COX10: variants seen among roughly 807,000 people sequenced by gnomAD.
The protein encoded by COX10 is protoheme IX farnesyltransferase, mitochondrial.
In COX10, 27 loss-of-function variants were observed where a neutral mutation model predicts 37.3. That is an observed-to-expected ratio of 0.72 (90% CI 0.53 to 1.00). The LOEUF (loss-of-function observed/expected upper bound fraction) is 1.00. Ranked by LOEUF, COX10 falls within the 50% of genes least tolerant of loss-of-function variation. The pLI, the probability that COX10 is intolerant of heterozygous loss-of-function variation, is 0.00. For synonymous variants in COX10, 222 were observed against 229.1 expected, an observed-to-expected ratio of 0.97 and a Z score of 0.28; for missense variants, 475 against 563.2, an observed-to-expected ratio of 0.84 and a Z score of 1.59.
chr17:14,141,105 T>C (rs1904530025), intron 4 of COX10, among the ~76,000 whole-genome samples: 1 of 152,156 alleles, frequency 6.6e-6, no homozygotes, highest in East Asian at 1.9e-4. Context: ...AATTATGTTA[T>C]AGTGTTAATT....
chr17:14,179,614 A>G (rs1289831193), intron 5 of COX10, among the ~76,000 whole-genome samples: 1 of 152,228 alleles, frequency 6.6e-6, no homozygotes, highest in Non-Finnish European at 1.5e-5. Context: ...GACAAAGAAG[A>G]AGGACAGAGT....
chr17:14,096,053 G>A lies in COX10; in HGVS notation c.500-6065G>A, dbSNP rs116093069. ...TGGTGAGGGTCTTCTTGACAGTGAGGACTCTGTAGAGTCCCAGGCAGCACA... is the reference window on the plus strand; with the variant it reads ...TGGTGAGGGTCTTCTTGACAGTGAGAACTCTGTAGAGTCCCAGGCAGCACA... On this transcript the variant is annotated intron_variant, in intron 3 of 6. Transcript: ENST00000261643. Among the ~76,000 whole-genome samples, 1,182 of 152,310 alleles carry A rather than the reference G, an allele frequency of 7.8e-3. 14 individuals carry two copies. Among genetic ancestry groups the A allele is most frequent in the African/African-American group, 0.027 (1,134 of 41,570 alleles).
chr17:14,104,721 C>T (rs190082718), intron 4 of COX10, among the ~76,000 whole-genome samples: 1 of 152,030 alleles, frequency 6.6e-6, no homozygotes, highest in Admixed American at 6.6e-5. Context: ...TCTGTGATCT[C>T]TGTGAAAGTA....
At chr17:14,123,246 CT>C (rs1387356981) in intron 4 of COX10, among the ~76,000 whole-genome samples, 1 of 152,182 alleles carries the variant, frequency 6.6e-6, no homozygotes, top group Non-Finnish European at 1.5e-5. Flanking sequence ...ATCATTAAAC[CT>C]GCTGCTTTTT....
chr17:14,110,548 T>TG (rs1460089229), intron 4 of COX10, among the ~76,000 whole-genome samples: 26 of 152,228 alleles, frequency 1.7e-4, no homozygotes, highest in African/African-American at 6.3e-4. Flanking sequence ...CTTGGAGACT[T>TG]GCTTCCTTCA....
intron 6 of COX10, among the ~76,000 whole-genome samples, chr17:14,204,370 CCTT>C (rs1471758687): frequency 6.6e-6 from 1 of 151,968 alleles, no homozygotes; most frequent in Non-Finnish European, 1.5e-5. Flanking sequence ...CCTCCTCTCC[CCTT>C]CTTCCCTGCT....
intron 6 of COX10, among the ~76,000 whole-genome samples, chr17:14,199,783 A>G (rs1906491656): frequency 6.6e-6 from 1 of 152,142 alleles, no homozygotes; most frequent in African/African-American, 2.4e-5. Flanking sequence ...AGTCTATTGC[A>G]CTGTTGAAGC....
rs140803470 is a variant in COX10 at position 14,081,780 on chromosome 17, A to G, written c.499+4724A>G. The stretch of plus-strand genomic sequence containing the variant: ...ACTATACACATATTTCTTAAAAAAT[A>G]AATTTAATACCTGGCTGCCCCCACT... On this transcript the variant is annotated intron_variant, in intron 3 of 6. Coordinates refer to ENST00000261643, the MANE Select transcript of COX10 (RefSeq NM_001303.4). 1.9e-3 allele frequency among the ~76,000 whole-genome samples: 283 copies of G among 152,358 alleles called. 4 individuals carry two copies. The highest frequency in any genetic ancestry group is 6.5e-3 in the African/African-American group (271 of 41,594).
chr17:14,115,391 G>A (rs1916088209), intron 4 of COX10, among the ~76,000 whole-genome samples: 1 of 152,116 alleles, frequency 6.6e-6, no homozygotes, highest in African/African-American at 2.4e-5. Flanking sequence ...ACAGATGTTG[G>A]AGAGGATGCA....
At chr17:14,099,036 T>C (rs1597499936) in intron 3 of COX10, among the ~76,000 whole-genome samples, 1 of 152,272 alleles carries the variant, frequency 6.6e-6, no homozygotes, top group East Asian at 1.9e-4. Context: ...AATGTGTGTG[T>C]CTTCATGACT....
At chr17:14,182,459 A>AT in intron 5 of COX10, among the ~76,000 whole-genome samples, 1 of 151,906 alleles carries the variant, frequency 6.6e-6, no homozygotes, top group Non-Finnish European at 1.5e-5. Context: ...TTTCTTCACA[A>AT]TTTCCTTAAG....
intron 4 of COX10, among the ~76,000 whole-genome samples, chr17:14,157,163 G>A (rs978309761): frequency 2.0e-5 from 3 of 152,224 alleles, no homozygotes; most frequent in Admixed American, 6.5e-5. Context: ...ACAGTGGCTT[G>A]TGCGCCTTAA....
intron 3 of COX10, among the ~76,000 whole-genome samples, chr17:14,101,390 G>T (rs1915777785): frequency 6.6e-6 from 1 of 152,084 alleles, no homozygotes; most frequent in African/African-American, 2.4e-5. Flanking sequence ...CCCACCAATG[G>T]TGATCCTTTT....
chr17:14,184,389 A>T (rs2856162), intron 5 of COX10, among the ~76,000 whole-genome samples: 3 of 152,246 alleles, frequency 2.0e-5, no homozygotes, highest in Non-Finnish European at 4.4e-5. Flanking sequence ...AAACCAGAAT[A>T]TAGCACTAAT....
At chr17:14,167,128 A>G (rs536280276) in intron 5 of COX10, among the ~76,000 whole-genome samples, 2 of 152,296 alleles carry the variant, frequency 1.3e-5, no homozygotes, top group South Asian at 2.1e-4. Flanking sequence ...ACTCTAATGT[A>G]TGACCTTGAG....
intron 4 of COX10, among the ~76,000 whole-genome samples, chr17:14,119,675 C>G (rs1000666455): frequency 1.3e-5 from 2 of 152,058 alleles, no homozygotes; most frequent in African/African-American, 2.4e-5. Flanking sequence ...GAAGAGGGTT[C>G]TGGGCAGAGT....
chr17:14,070,526 C>T (rs920271574), intron 1 of COX10, among the ~76,000 whole-genome samples: 5 of 152,130 alleles, frequency 3.3e-5, no homozygotes, highest in African/African-American at 1.2e-4. Flanking sequence ...TGGATGGATG[C>T]AATTTGTCCC....
intron 5 of COX10, among the ~76,000 whole-genome samples, chr17:14,167,368 A>G (rs751573013): frequency 1.3e-5 from 2 of 152,248 alleles, no homozygotes; most frequent in African/African-American, 4.8e-5. Flanking sequence ...TTAAAATTTT[A>G]TATTAACTTG....
chr17:14,190,084 C>T (rs1225020270), intron 5 of COX10, among the ~76,000 whole-genome samples: 1 of 152,104 alleles, frequency 6.6e-6, no homozygotes, highest in Non-Finnish European at 1.5e-5. Flanking sequence ...GCATTTGTCA[C>T]TGTTGTATAA....
Sources: allele counts gnomAD v4.1 joint callset (sites outside exome capture counted in the v4.1 genomes callset), GRCh38; gene constraint gnomAD v4.1.1; transcripts MANE v1.5; gene names NCBI Gene and HGNC (gene_info 2026-07-23, HGNC 2026-07-21).